The following ENAH variants were observed in gnomAD, a reference collection of about 807,000 sequenced individuals.
ENAH encodes the protein protein enabled homolog.
In ENAH, 23 loss-of-function variants were observed where a neutral mutation model predicts 78.7. The ratio of observed to expected loss-of-function variants is 0.29; its 90% CI spans 0.21 to 0.41. ENAH has a LOEUF of 0.41. Among genes scored for constraint, ENAH ranks in the 10% least tolerant of loss-of-function variants. The pLI is 1.00. For synonymous variants in ENAH, 226 were observed against 241.0 expected (o/e 0.94, Z 0.58); for missense variants, 544 against 691.0 (o/e 0.79, Z 2.39).
chr1:225,511,945 AT>A, intron 9 of ENAH, 86 bp from the exon 10 acceptor site: 1 of 811,498 alleles, frequency 1.2e-6, no homozygotes, highest in Non-Finnish European at 1.9e-6. Context: ...CACTTCTAAT[AT>A]TCTTTCTGCC....
chr1:225,626,021 C>T (rs1657888527), intron 1 of ENAH, among the ~76,000 whole-genome samples: 1 of 152,108 alleles, frequency 6.6e-6, no homozygotes. Flanking sequence ...TCAGGATTTT[C>T]CTCCCTGAAG....
intron 2 of ENAH, among the ~76,000 whole-genome samples, chr1:225,564,250 G>A (rs2096723270): frequency 1.3e-5 from 2 of 151,770 alleles, no homozygotes; most frequent in African/African-American, 2.4e-5. Flanking sequence ...GAGTAGCTGG[G>A]ACTACAGGCA....
Position 225,519,410 on chromosome 1 carries a change from T to C in ENAH, c.590A>G (p.Glu197Gly), listed in dbSNP as rs537474721. Residue 197 changes from glutamate (E) to glycine (G), a missense_variant, in exon 5 of 14, where the codon GAA becomes GGA. Glu to Gly is a moderately conservative substitution (Grantham distance 98). Transcript: ENST00000366843. ...EQEQLERERQ[E>G]RERQERLERQ... ...CTCCAGGCGTTCCTGCCGTTCCCGTTCTTGTCTCTCTCTCTCCAGCTGTTC... is the reference window on the plus strand; with the variant it reads ...CTCCAGGCGTTCCTGCCGTTCCCGTCCTTGTCTCTCTCTCTCCAGCTGTTC... 3 of 1,609,422 alleles carry C rather than the reference T, an allele frequency of 1.9e-6. No individual in the cohort carries two copies. In the Admixed American group the frequency reaches 5.0e-5, roughly 27 times the overall value.
At chr1:225,547,550 C>G (rs1575482767) in intron 3 of ENAH, among the ~76,000 whole-genome samples, 1 of 152,346 alleles carries the variant, frequency 6.6e-6, no homozygotes, top group African/African-American at 2.4e-5. Context: ...GCTTGACTTA[C>G]AGCCTCCAGT....
chr1:225,525,042 C>A (rs1344553685), intron 4 of ENAH, among the ~76,000 whole-genome samples: 1 of 152,152 alleles, frequency 6.6e-6, no homozygotes, highest in African/African-American at 2.4e-5. Flanking sequence ...AGACTTAGAA[C>A]AGTAATCCTC....
intron 3 of ENAH, among the ~76,000 whole-genome samples, chr1:225,535,060 T>C (rs1370540424): frequency 6.6e-6 from 1 of 152,120 alleles, no homozygotes; most frequent in East Asian, 1.9e-4. Context: ...AGCTTACATC[T>C]GCCTCACAAC....
intron 3 of ENAH, among the ~76,000 whole-genome samples, chr1:225,532,402 C>T (rs555992713): frequency 6.6e-6 from 1 of 152,100 alleles, no homozygotes; most frequent in African/African-American, 2.4e-5. Context: ...AGTTGAAAGC[C>T]TCAGGCTGCT....
chr1:225,589,071 T>A (rs2096862467), intron 1 of ENAH, among the ~76,000 whole-genome samples: 1 of 152,100 alleles, frequency 6.6e-6, no homozygotes, highest in African/African-American at 2.4e-5. Context: ...AGAGTATATA[T>A]TTTACGGTTC....
intron 3 of ENAH, among the ~76,000 whole-genome samples, chr1:225,536,073 T>G (rs80128453): frequency 0.043 from 6,534 of 152,170 alleles, 225 homozygotes; most frequent in South Asian, 0.11. Flanking sequence ...AATAAAGAGT[T>G]TTATATTCAC....
At chr1:225,596,186 C>T (rs2096901137) in intron 1 of ENAH, among the ~76,000 whole-genome samples, 1 of 152,140 alleles carries the variant, frequency 6.6e-6, no homozygotes, top group Non-Finnish European at 1.5e-5. Context: ...CCTGGAAATC[C>T]CATTGCTAGT....
At chr1:225,607,804 AAG>A (rs1268711412) in intron 1 of ENAH, among the ~76,000 whole-genome samples, 2 of 152,180 alleles carry the variant, frequency 1.3e-5, no homozygotes, top group East Asian at 3.9e-4. Context: ...CAGCCTAAAA[AAG>A]AGAGACCTGG....
chr1:225,571,014 A>C (rs1435052060), intron 1 of ENAH, among the ~76,000 whole-genome samples: 1 of 152,124 alleles, frequency 6.6e-6, no homozygotes, highest in Non-Finnish European at 1.5e-5. Context: ...GTGTTGATCA[A>C]CTGTTTATGG....
At position 225,574,612 on chromosome 1, in the gene ENAH, A is replaced by AT. The variant is rs200420108; in HGVS notation, c.6-7199_6-7198insA. Among the ~76,000 whole-genome samples the AT allele has an allele frequency of 4.2e-3, 101 of 24,196 alleles. 16 individuals carry two copies. The highest frequency in any genetic ancestry group is 7.2e-3 in the South Asian group (12 of 1,668). 15.9% of individuals were successfully genotyped at this position (24,196 alleles called of 152,430 possible). A position where few individuals can be genotyped will look rare whatever the true frequency, so the allele number is the denominator to read the frequency against. On this transcript the variant is annotated intron_variant, in intron 1 of 13. Coordinates refer to ENST00000366843, the MANE Select transcript of ENAH (RefSeq NM_018212.6). ...GTGAGACTCTGTCTCCAAAATATAT[A>AT]AAAAAAAGGCCGGGCGCGGTGGCTC...
intron 5 of ENAH, 90 bp from the exon 6 acceptor site, chr1:225,517,396 T>A: frequency 1.3e-6 from 2 of 1,551,382 alleles, no homozygotes; most frequent in Non-Finnish European, 1.7e-6. Flanking sequence ...AGATCCACAG[T>A]GTGAGAGTGA....
rs1050144482 is a variant in ENAH, at chr1:225,491,892, T to C, written c.*5883A>G. On this transcript the variant is annotated 3_prime_UTR_variant, in exon 14 of 14. Coordinates refer to ENST00000366843, the MANE Select transcript of ENAH (RefSeq NM_018212.6). ...TAGTTATTTCTTTATGCTTTTAGAA[T>C]TGTCATCTACTGCTGAAGAAATCTT... 1 of 152,202 alleles carries C rather than the reference T, an allele frequency of 6.6e-6. No homozygotes were observed. The highest frequency in any genetic ancestry group is 2.4e-5 in the African/African-American group (1 of 41,452). 9.4% of individuals were successfully genotyped at this position (152,202 alleles called of 1,614,324 possible). A position where few individuals can be genotyped will look rare whatever the true frequency, so the allele number is the denominator to read the frequency against.
chr1:225,508,392 C>T (rs904599175), intron 10 of ENAH: 8 of 153,808 alleles, frequency 5.2e-5, no homozygotes, highest in South Asian at 2.1e-4. Flanking sequence ...GTATTACCGA[C>T]ACTGTTTTAA....
At chr1:225,629,584 C>T (rs1365772849) in intron 1 of ENAH, among the ~76,000 whole-genome samples, 2 of 148,480 alleles carry the variant, frequency 1.3e-5, no homozygotes, top group South Asian at 4.4e-4. Flanking sequence ...GAGACACTGT[C>T]CCAGAAAAAA....
chr1:225,595,635 T>C (rs2096898726), intron 1 of ENAH, among the ~76,000 whole-genome samples: 1 of 152,196 alleles, frequency 6.6e-6, no homozygotes, highest in Non-Finnish European at 1.5e-5. Context: ...AGCAGCTGAC[T>C]ATCAGCTGGC....
chr1:225,581,302 G>T (rs931491260), intron 1 of ENAH: 21 of 984,236 alleles, frequency 2.1e-5, no homozygotes, highest in Admixed American at 6.2e-5. Context: ...AAGTTATATG[G>T]CAAAGCCTCT....
Sources: allele counts gnomAD v4.1 joint callset (sites outside exome capture counted in the v4.1 genomes callset), GRCh38; gene constraint gnomAD v4.1.1; transcripts MANE v1.5; gene names NCBI Gene and HGNC (gene_info 2026-07-23, HGNC 2026-07-21).